The following CERS3 variants were observed in gnomAD, a reference collection of about 807,000 sequenced individuals.
CERS3 encodes ceramide synthase 3, also known as LAG1 homolog, ceramide synthase 3.
In CERS3, 33 loss-of-function variants were observed where a neutral mutation model predicts 50.3. That is an observed-to-expected ratio of 0.66 (90% CI 0.50 to 0.88). CERS3 has a LOEUF of 0.88. CERS3 is among the 40% of genes least tolerant of loss of function. The pLI, the probability that CERS3 is intolerant of heterozygous loss-of-function variation, is 0.00. For missense variants in CERS3, 470 were observed against 460.3 expected (o/e 1.02, Z -0.19); for synonymous variants, 176 against 155.2 (o/e 1.13, Z -0.99).
intron 9 of CERS3, among the ~76,000 whole-genome samples, chr15:100,471,240 T>C (rs760807881): frequency 4.6e-5 from 7 of 152,136 alleles, no homozygotes; most frequent in African/African-American, 1.4e-4. Context: ...TCTTCTTCTT[T>C]TTTTTTTAAC....
chr15:100,455,928 T>G lies in CERS3; in HGVS notation c.964A>C (p.Ile322Leu), dbSNP rs2034353881. 1.2e-5 allele frequency: 19 copies of G among 1,612,342 alleles called. No homozygotes were observed. Among genetic ancestry groups the G allele is most frequent in the Non-Finnish European group, 1.5e-5 (18 of 1,179,182 alleles). Residue 322 changes from isoleucine to leucine, a missense_variant, in exon 11 of 12, where the codon ATC becomes CTC. Coordinates refer to ENST00000679737, the MANE Select transcript of CERS3 (RefSeq NM_001378789.1). ...ATACATCTGTTGAGCATCTTCAAGA[T>G]GTAATAACCCCAGTAAAGGTGAAGG... Reference protein sequence around the residue: ...QVLHLYWGYYILKMLNRCIFM... With the variant: ...QVLHLYWGYYLLKMLNRCIFM...
chr15:100,467,846 T>TAGATAGATAGATAGATAGATAG (rs1555528317), intron 10 of CERS3, among the ~76,000 whole-genome samples: 5 of 39,072 alleles, frequency 1.3e-4, no homozygotes, highest in East Asian at 9.7e-4. Context: ...TGTATATATA[T>TAGATAGATAGATAGATAGATAG]ATATATAGAT....
intron 11 of CERS3, among the ~76,000 whole-genome samples, chr15:100,405,718 G>A (rs2030973317): frequency 6.6e-6 from 1 of 152,180 alleles, no homozygotes; most frequent in African/African-American, 2.4e-5. Flanking sequence ...TTGGGTTGAT[G>A]AAATGATGCT....
At chr15:100,427,259 G>T (rs1301199053) in intron 11 of CERS3, among the ~76,000 whole-genome samples, 2 of 152,170 alleles carry the variant, frequency 1.3e-5, no homozygotes, top group Non-Finnish European at 2.9e-5. Flanking sequence ...CTGTCTCGGA[G>T]GAGCGAAAGT....
intron 11 of CERS3, among the ~76,000 whole-genome samples, chr15:100,435,614 T>C (rs1390885974): frequency 6.6e-6 from 1 of 152,154 alleles, no homozygotes; most frequent in East Asian, 1.9e-4. Context: ...AAAGCCAGAA[T>C]TGACAAATGG....
chr15:100,467,587 G>C (rs1205282305), intron 10 of CERS3, among the ~76,000 whole-genome samples: 1 of 151,882 alleles, frequency 6.6e-6, no homozygotes, highest in Non-Finnish European at 1.5e-5. Context: ...TTTAGATGCT[G>C]TGTTATACAG....
chr15:100,425,048 C>T (rs930355635), intron 11 of CERS3, among the ~76,000 whole-genome samples: 1 of 152,118 alleles, frequency 6.6e-6, no homozygotes, highest in Non-Finnish European at 1.5e-5. Context: ...GCACAGAGGG[C>T]AAGAGTGAGG....
At chr15:100,485,376 TCTG>T (rs2035453693) in intron 4 of CERS3, among the ~76,000 whole-genome samples, 1 of 152,212 alleles carries the variant, frequency 6.6e-6, no homozygotes, top group Non-Finnish European at 1.5e-5. Flanking sequence ...GAATGATAGA[TCTG>T]CTCAAATGTT....
intron 11 of CERS3, among the ~76,000 whole-genome samples, chr15:100,403,531 G>T (rs1171571476): frequency 6.6e-6 from 1 of 152,042 alleles, no homozygotes; most frequent in African/African-American, 2.4e-5. Context: ...AAGAGGGAAA[G>T]CACAAATTAA....
intron 2 of CERS3, among the ~76,000 whole-genome samples, chr15:100,516,318 C>T (rs1177715420): frequency 6.6e-6 from 1 of 152,188 alleles, no homozygotes; most frequent in East Asian, 1.9e-4. Flanking sequence ...TTCGAGAGAA[C>T]AGTGGCTCTG....
At chr15:100,483,787 A>ATTATTATTATTATTATTTTT (rs760594142) in intron 5 of CERS3, among the ~76,000 whole-genome samples, 1 of 100,040 alleles carries the variant, frequency 1.0e-5, no homozygotes, top group African/African-American at 3.8e-5. Context: ...TATTATTATT[A>ATTATTATTATTATTATTTTT]TTTTTTTTTT....
At chr15:100,522,617 T>A (rs2036669438) in intron 1 of CERS3, among the ~76,000 whole-genome samples, 1 of 152,236 alleles carries the variant, frequency 6.6e-6, no homozygotes, top group South Asian at 2.1e-4. Context: ...GATGCATCTA[T>A]GTTGTTGCAT....
At chr15:100,488,865 C>T (rs1357848459) in intron 4 of CERS3, among the ~76,000 whole-genome samples, 1 of 151,446 alleles carries the variant, frequency 6.6e-6, no homozygotes, top group Non-Finnish European at 1.5e-5. Context: ...CAACCTCCAA[C>T]TCCCTGGTTC....
chr15:100,467,835 G>A lies in CERS3; in HGVS notation c.845+1543C>T, dbSNP rs1205577968. On this transcript the variant is annotated intron_variant, in intron 10 of 11. Transcript: ENST00000679737. ...TCTATATATATGTGTATATATATAC[G>A]TGTATATATATATATATAGATAGAT... 8.0e-4 allele frequency among the ~76,000 whole-genome samples: 10 copies of A among 12,566 alleles called. 1 individual carries two copies. Among genetic ancestry groups the A allele is most frequent in the South Asian group, 7.2e-3 (3 of 416 alleles). 8.2% of individuals were successfully genotyped at this position (12,566 alleles called of 152,430 possible). A position where few individuals can be genotyped will look rare whatever the true frequency, so the allele number is the denominator to read the frequency against.
At chr15:100,520,316 CTTG>C (rs2036605251) in intron 2 of CERS3, among the ~76,000 whole-genome samples, 1 of 152,166 alleles carries the variant, frequency 6.6e-6, no homozygotes, top group South Asian at 2.1e-4. Context: ...CATTTGTATT[CTTG>C]CCCTGTGTCC....
At chr15:100,533,794 G>A (rs1464229241), upstream of CERS3, among the ~76,000 whole-genome samples, 2 of 152,070 alleles carry the variant, frequency 1.3e-5, no homozygotes, top group African/African-American at 4.8e-5. Context: ...TCCTGACCTC[G>A]TGATTCACCT....
At chr15:100,483,515 T>A (rs2035379076) in intron 5 of CERS3, among the ~76,000 whole-genome samples, 1 of 152,142 alleles carries the variant, frequency 6.6e-6, no homozygotes. Context: ...TTAGTAGGCT[T>A]ACTGACATGG....
At chr15:100,432,811 G>A (rs149847045) in intron 11 of CERS3, among the ~76,000 whole-genome samples, 89 of 152,284 alleles carry the variant, frequency 5.8e-4, no homozygotes, top group African/African-American at 1.9e-3. Flanking sequence ...ACAGAGTCAC[G>A]GAAGAGGTGG....
At chr15:100,460,436 T>C (rs190655042) in intron 10 of CERS3, among the ~76,000 whole-genome samples, 9 of 152,326 alleles carry the variant, frequency 5.9e-5, no homozygotes, top group East Asian at 5.8e-4. Flanking sequence ...CATTTATTTA[T>C]AGGCTTATTA....
Sources: allele counts gnomAD v4.1 joint callset (sites outside exome capture counted in the v4.1 genomes callset), GRCh38; gene constraint gnomAD v4.1.1; transcripts MANE v1.5; gene names NCBI Gene and HGNC (gene_info 2026-07-23, HGNC 2026-07-21).